The following RAI14 variants were observed in gnomAD, a reference collection of about 807,000 sequenced individuals.
The protein encoded by RAI14 is ankycorbin.
Under a neutral mutation model 115.4 loss-of-function variants are expected in RAI14, and 45 were observed. The observed-to-expected ratio is 0.39, with a 90% confidence interval of 0.31 to 0.50. The LOEUF (loss-of-function observed/expected upper bound fraction) is 0.50. Ranked by LOEUF, RAI14 falls within the 20% of genes least tolerant of loss-of-function variation. RAI14 has a pLI of 0.85. For missense variants in RAI14, 939 were observed against 1,131.2 expected, an observed-to-expected ratio of 0.83 and a Z score of 2.44; for synonymous variants, 371 against 415.4, an observed-to-expected ratio of 0.89 and a Z score of 1.30.
At chr5:34,770,312 C>T (rs1236023959) in intron 3 of RAI14, among the ~76,000 whole-genome samples, 2 of 152,174 alleles carry the variant, frequency 1.3e-5, no homozygotes, top group African/African-American at 4.8e-5. Context: ...AGAAAAATAT[C>T]TGTTTATGCC....
At chr5:34,732,349 C>T (rs1744302012) in intron 2 of RAI14, among the ~76,000 whole-genome samples, 1 of 152,088 alleles carries the variant, frequency 6.6e-6, no homozygotes, top group Non-Finnish European at 1.5e-5. Context: ...TGCAGAGTCA[C>T]TGTCACTAAT....
At chr5:34,737,839 T>C (rs16903850) in intron 2 of RAI14, among the ~76,000 whole-genome samples, 94,257 of 152,098 alleles carry the variant, frequency 0.62, 29,533 homozygotes, top group African/African-American at 0.65. Context: ...CAACACATTT[T>C]AAATTTGGCA....
At chr5:34,807,728 G>T in intron 5 of RAI14, 72 bp from the exon 6 acceptor site, 2 of 1,191,390 alleles carry the variant, frequency 1.7e-6, no homozygotes, top group Non-Finnish European at 1.3e-6. Context: ...ATACCTTGCA[G>T]GAAAAGTCTG....
In RAI14 at chr5:34,665,159, G is replaced by A. The variant is rs781397378; in HGVS notation, c.-49+8684G>A. 4.9e-3 allele frequency among the ~76,000 whole-genome samples: 67 copies of A among 13,740 alleles called. 14 individuals carry two copies. The highest frequency in any genetic ancestry group is 0.022 in the South Asian group (3 of 134). 9.0% of individuals were successfully genotyped at this position (13,740 alleles called of 152,430 possible). Reference sequence around the variant, plus strand: ...TATATATACACATATATATGTGTGTGTATATATATATATACACACATATAT... The same window carrying A: ...TATATATACACATATATATGTGTGTATATATATATATATACACACATATAT... On this transcript the variant is annotated intron_variant, in intron 1 of 17. Coordinates refer to ENST00000265109, the MANE Select transcript of RAI14 (RefSeq NM_015577.3).
chr5:34,656,330 T>G lies in RAI14; in HGVS notation c.-194T>G, dbSNP rs990497470. ...CCTAGCCCGGGAGCTCGGCGCCCAC[T>G]GACCCCCGCAGCGGGGGAGGAGGAG... is the stretch of plus-strand genomic sequence containing the variant. On this transcript the variant is annotated 5_prime_UTR_variant, in exon 1 of 18. Transcript: ENST00000265109. 2 of 151,632 alleles carry G rather than the reference T, an allele frequency of 1.3e-5. No homozygotes were observed. The highest frequency in any genetic ancestry group is 1.3e-4 in the Admixed American group (2 of 15,224). The allele number at this position is 151,632 out of a possible 1,614,324, so 9.4% of individuals were successfully genotyped here. A position where few individuals can be genotyped will look rare whatever the true frequency, so the allele number is the denominator to read the frequency against.
chr5:34,686,979 C>T (rs371302956), intron 2 of RAI14, 24 bp downstream of exon 2: 10 of 1,612,800 alleles, frequency 6.2e-6, no homozygotes, highest in Non-Finnish European at 6.8e-6. Flanking sequence ...GACTCACAGT[C>T]TGGCTGTTCC....
intron 3 of RAI14, among the ~76,000 whole-genome samples, chr5:34,784,946 A>G (rs1752121183): frequency 6.6e-6 from 1 of 152,212 alleles, no homozygotes; most frequent in East Asian, 1.9e-4. Context: ...ATCCCTACCT[A>G]TGGCTACTTT....
chr5:34,811,598 C>A (rs62355739), intron 8 of RAI14, among the ~76,000 whole-genome samples, 169 bp from the exon 9 acceptor site: 1 of 134,468 alleles, frequency 7.4e-6, no homozygotes, highest in Non-Finnish European at 1.7e-5. Context: ...AAAAAAAAAC[C>A]ACCTAATTTC....
At chr5:34,728,196 G>A (rs1254775997) in intron 2 of RAI14, among the ~76,000 whole-genome samples, 4 of 152,206 alleles carry the variant, frequency 2.6e-5, no homozygotes, top group East Asian at 1.9e-4. Flanking sequence ...ACTGTATCTA[G>A]GAAGTAACCA....
At chr5:34,757,846 T>C in intron 3 of RAI14, 1 of 281,334 alleles carries the variant, frequency 3.6e-6, no homozygotes, top group Non-Finnish European at 6.5e-6. Context: ...TTGCAACCAA[T>C]TGTAGATGAG....
chr5:34,759,030 G>A (rs909967192), intron 3 of RAI14, among the ~76,000 whole-genome samples: 1 of 152,194 alleles, frequency 6.6e-6, no homozygotes, highest in Non-Finnish European at 1.5e-5. Context: ...GGGAGGCCGA[G>A]GCGGGTGGAA....
intron 3 of RAI14, among the ~76,000 whole-genome samples, chr5:34,778,881 G>A (rs1026094188): frequency 6.6e-6 from 1 of 152,002 alleles, no homozygotes; most frequent in African/African-American, 2.4e-5. Flanking sequence ...TATGAGGCCA[G>A]CATCATCCTG....
At chr5:34,668,422 G>A (rs1164575996) in intron 1 of RAI14, among the ~76,000 whole-genome samples, 1 of 149,790 alleles carries the variant, frequency 6.7e-6, no homozygotes, top group Non-Finnish European at 1.5e-5. Flanking sequence ...TGGGCCCCAC[G>A]AAGGGTTCAG....
chr5:34,657,769 T>G (rs1742394117), intron 1 of RAI14, among the ~76,000 whole-genome samples: 2 of 152,210 alleles, frequency 1.3e-5, no homozygotes, highest in Admixed American at 6.5e-5. Context: ...GAAGCTCGCC[T>G]TAGCGAAGAG....
At chr5:34,687,635 C>G in intron 2 of RAI14, 1 of 1,548,774 alleles carries the variant, frequency 6.5e-7, no homozygotes. Context: ...TTCTATGATC[C>G]CAGTCTTGTA....
intron 3 of RAI14, among the ~76,000 whole-genome samples, chr5:34,772,861 CA>C (rs1282665843): frequency 6.6e-6 from 1 of 152,180 alleles, no homozygotes; most frequent in Admixed American, 6.5e-5. Flanking sequence ...CTCTTATTAG[CA>C]CTGAAACCTT....
At chr5:34,801,987 T>A (rs1226711228) in intron 4 of RAI14, among the ~76,000 whole-genome samples, 1 of 151,972 alleles carries the variant, frequency 6.6e-6, no homozygotes, top group Non-Finnish European at 1.5e-5. Flanking sequence ...TCACTTGACA[T>A]CAGGAGATCT....
At chr5:34,726,573 G>C (rs1430020019) in intron 2 of RAI14, among the ~76,000 whole-genome samples, 6 of 152,180 alleles carry the variant, frequency 3.9e-5, no homozygotes, top group African/African-American at 1.4e-4. Flanking sequence ...TGGGGACACA[G>C]AGCCAAACCA....
rs192840021 is a variant in RAI14 at position 34,776,735 on chromosome 5, A to G, written c.167+19137A>G. ...GATGGGAGAATCGCTTGAGCCAGGGAGATTGAGGCTGTGGTGAGCCAAGAT... is the reference window on the plus strand; with the variant it reads ...GATGGGAGAATCGCTTGAGCCAGGGGGATTGAGGCTGTGGTGAGCCAAGAT... On this transcript the variant is annotated intron_variant, in intron 3 of 17. Transcript: ENST00000265109. 9.7e-4 allele frequency among the ~76,000 whole-genome samples: 144 copies of G among 147,724 alleles called. 6 individuals carry two copies. The Admixed American group carries it at 9.9e-3, about 10-fold the overall frequency.
Sources: allele counts gnomAD v4.1 joint callset (sites outside exome capture counted in the v4.1 genomes callset), GRCh38; gene constraint gnomAD v4.1.1; transcripts MANE v1.5; gene names NCBI Gene and HGNC (gene_info 2026-07-23, HGNC 2026-07-21).